Variants in C4orf50 observed in about 807,000 individuals in gnomAD.
C4orf50 encodes the protein uncharacterized protein C4orf50.
A neutral mutation model predicts 77.2 loss-of-function variants in C4orf50; 80 were observed. The observed-to-expected ratio is 1.04, with a 90% CI of 0.87 to 1.25. The LOEUF (loss-of-function observed/expected upper bound fraction) is 1.25, where lower values mean the gene tolerates loss of function less well. Among genes scored for constraint, C4orf50 ranks in the 50% most tolerant of loss-of-function variants. The pLI is 0.00. For synonymous variants in C4orf50, 532 were observed against 465.3 expected, an observed-to-expected ratio of 1.14 and a Z score of -1.84; for missense variants, 1,257 against 1,152.9, an observed-to-expected ratio of 1.09 and a Z score of -1.31.
At chr4:5,950,726 G>A (rs12509118) in intron 7 of C4orf50, among the ~76,000 whole-genome samples, 104,509 of 152,004 alleles carry the variant, frequency 0.69, 37,048 homozygotes, top group African/African-American at 0.8. Context: ...CTTCCCTCAC[G>A]ACATCGATCA....
At chr4:5,948,613 A>C (rs1011172518) in intron 7 of C4orf50, among the ~76,000 whole-genome samples, 23 of 152,224 alleles carry the variant, frequency 1.5e-4, no homozygotes, top group Non-Finnish European at 3.2e-4. Context: ...TGGCCAACAT[A>C]GTGAAATCCC....
intron 7 of C4orf50, among the ~76,000 whole-genome samples, chr4:5,950,483 C>T (rs1718669436): frequency 6.6e-6 from 1 of 151,220 alleles, no homozygotes; most frequent in South Asian, 2.1e-4. Context: ...ATTCTCTGTA[C>T]TTTTGTCAAG....
chr4:5,989,569 C>G, exon 28 of C4orf50: 5 of 1,536,126 alleles, frequency 3.3e-6, no homozygotes, highest in Non-Finnish European at 4.4e-6. Flanking sequence ...GCACTGCCAG[C>G]CCCTGCTGCC....
At position 5,932,403 on chromosome 4, in the gene C4orf50, C is replaced by T. The variant is rs550109057; in HGVS notation, c.*2474+24498G>A. 1.5e-3 allele frequency among the ~76,000 whole-genome samples: 229 copies of T among 152,224 alleles called. 1 individual carries two copies. The highest frequency in any genetic ancestry group is 5.1e-3 in the African/African-American group (212 of 41,550). ...GCCCAAGTCCTGAACCTGAGGTGAC[C>T]AGGTGATCATCTACCTGGAGAAGGA... On this transcript the variant is annotated intron_variant, in intron 7 of 7. Coordinates refer to the C4orf50 transcript ENST00000324058. This position sits in a 1 kb window ranked among gnomAD's most constrained non-coding sequence, Gnocchi z 4.2.
At chr4:5,963,651 A>G (rs909815875) in intron 33 of C4orf50, among the ~76,000 whole-genome samples, 1 of 152,194 alleles carries the variant, frequency 6.6e-6, no homozygotes, top group Non-Finnish European at 1.5e-5. Context: ...GAAGGGAGAA[A>G]AATTACAATC....
chr4:5,899,675 T>C (rs550248185), intron 7 of C4orf50: 4 of 152,222 alleles, frequency 2.6e-5, no homozygotes, highest in Non-Finnish European at 5.9e-5. Context: ...AGAACTTAAA[T>C]AGCACAGGGA....
intron 25 of C4orf50, among the ~76,000 whole-genome samples, chr4:6,005,553 G>T (rs193193781): frequency 2.0e-5 from 3 of 152,144 alleles, no homozygotes; most frequent in Admixed American, 1.3e-4. Context: ...CAGAAGTCAC[G>T]GCTCTGCTCT....
At chr4:5,934,117 G>A (rs901798936) in intron 7 of C4orf50, among the ~76,000 whole-genome samples, 35 of 152,032 alleles carry the variant, frequency 2.3e-4, no homozygotes, top group Non-Finnish European at 1.5e-4. Flanking sequence ...AATTCACTTC[G>A]CCTCCCTGCA....
rs189844577 is a variant in C4orf50, at chr4:5,908,175, T to C, written c.*2475-9987A>G. Among the ~76,000 whole-genome samples the C allele has an allele frequency of 7.9e-5, 12 of 152,280 alleles. No homozygotes were observed. In the East Asian group the frequency reaches 2.3e-3, roughly 29 times the overall value. On this transcript the variant is annotated intron_variant, in intron 7 of 7. Coordinates refer to the C4orf50 transcript ENST00000324058. The surrounding 1 kb of genome is among the most constrained non-coding windows in gnomAD (Gnocchi z 5.6). ...TTGAGATGAATAAAACCCAGACACA[T>C]GTGTCCTCAAGGGCCTTATATCTGA...
chr4:5,977,216 C>T (rs1170044539), intron 29 of C4orf50, among the ~76,000 whole-genome samples: 1 of 152,150 alleles, frequency 6.6e-6, no homozygotes, highest in Admixed American at 6.5e-5. Context: ...ACAGCCTAGC[C>T]GAGTCCTATC....
intron 32 of C4orf50, among the ~76,000 whole-genome samples, chr4:5,966,124 GT>G (rs1278727532): frequency 6.6e-6 from 1 of 152,222 alleles, no homozygotes; most frequent in Non-Finnish European, 1.5e-5. Flanking sequence ...ATAAAAAAGA[GT>G]AAAACAAGGT....
In C4orf50 at chr4:5,901,546, T is replaced by C. The variant is rs1208825596; in HGVS notation, c.*2475-3358A>G. On this transcript the variant is annotated intron_variant, in intron 7 of 7. Coordinates refer to the C4orf50 transcript ENST00000324058. The surrounding 1 kb of genome is among the most constrained non-coding windows in gnomAD (Gnocchi z 4.4). The stretch of plus-strand genomic sequence containing the variant: ...CTAGAAGAAAGTCAAATAACACCAA[T>C]CCTGTATATACATGTAGATCTTAAG... The C allele has an allele frequency of 1.3e-5, 2 of 152,172 alleles. No homozygotes were observed. Among genetic ancestry groups the C allele is most frequent in the African/African-American group, 2.4e-5 (1 of 41,420 alleles). The allele number at this position is 152,172 out of a possible 1,614,324, so 9.4% of individuals were successfully genotyped here. A position where few individuals can be genotyped will look rare whatever the true frequency, so the allele number is the denominator to read the frequency against.
At chr4:5,997,872 G>A (rs566808871) in intron 25 of C4orf50, among the ~76,000 whole-genome samples, 53 of 152,126 alleles carry the variant, frequency 3.5e-4, no homozygotes, top group Non-Finnish European at 5.7e-4. Flanking sequence ...GGTTTTTATA[G>A]CTAACTAATA....
In C4orf50 at chr4:5,919,416, G is replaced by A. The variant is rs1717171703; in HGVS notation, c.*2475-21228C>T. On this transcript the variant is annotated intron_variant, in intron 7 of 7. Transcript: ENST00000324058. The surrounding 1 kb of genome is among the most constrained non-coding windows in gnomAD (Gnocchi z 6.5). ...CCTGTAGGCAGTGGACTGAGGCAGG[G>A]GCAGGTGGGGGTGGGGGGCACACCC... Among the ~76,000 whole-genome samples the A allele has an allele frequency of 6.6e-6, 1 of 151,920 alleles. No individual in the cohort carries two copies. Among genetic ancestry groups the A allele is most frequent in the Admixed American group, 6.6e-5 (1 of 15,254 alleles).
chr4:6,017,425 A>G lies in C4orf50; in HGVS notation c.287+720T>C, dbSNP rs1223414916. Among the ~76,000 whole-genome samples, 1 of 152,192 alleles carries G rather than the reference A, an allele frequency of 6.6e-6. No individual in the cohort carries two copies. Among genetic ancestry groups the G allele is most frequent in the Non-Finnish European group, 1.5e-5 (1 of 68,034 alleles). ...TGGGAACAAGAGTGACTTTATTTTA[A>G]ACGCTAATCCAGCAGGTGACTCTTG... is the stretch of plus-strand genomic sequence containing the variant. On this transcript the variant is annotated intron_variant, in intron 23 of 33. Transcript: ENST00000531445. This position sits in a 1 kb window ranked among gnomAD's most constrained non-coding sequence, Gnocchi z 4.7.
chr4:5,898,131 T>A (rs1716204619), exon 8 of C4orf50: 1 of 152,262 alleles, frequency 6.6e-6, no homozygotes, highest in South Asian at 2.1e-4. Flanking sequence ...ATGTGATTTC[T>A]GCCCAGGATT....
intron 29 of C4orf50, 87 bp from the exon 8 acceptor site, chr4:5,976,042 C>T: frequency 9.1e-7 from 1 of 1,096,548 alleles, no homozygotes; most frequent in Admixed American, 1.8e-5. Context: ...CTCAGAACAG[C>T]TGGCAGTTGC....
chr4:5,963,097 G>T (rs138977334), intron 33 of C4orf50, among the ~76,000 whole-genome samples: 81 of 151,562 alleles, frequency 5.3e-4, no homozygotes, highest in African/African-American at 1.9e-3. Context: ...CGCCTCCCAG[G>T]TTCAAGCAAT....
intron 25 of C4orf50, among the ~76,000 whole-genome samples, chr4:6,002,958 T>C (rs1721897911): frequency 1.3e-5 from 2 of 152,202 alleles, no homozygotes; most frequent in African/African-American, 4.8e-5. Flanking sequence ...GAGTAACAGA[T>C]GGGCAGCTCC....
Sources: gnomAD v4.1 joint callset for allele counts (sites outside exome capture counted in the v4.1 genomes callset) on GRCh38, gnomAD v4.1.1 for gene constraint, Gnocchi (gnomAD v3.1) non-coding constraint, MANE v1.5 for transcripts, NCBI Gene and HGNC (gene_info 2026-07-23, HGNC 2026-07-21) for gene names.